DLG2: variants seen among roughly 807,000 people sequenced by gnomAD.
DLG2 encodes the protein disks large homolog 2.
A neutral mutation model predicts 132.5 loss-of-function variants in DLG2; 45 were observed. The observed-to-expected ratio is 0.34, with a 90% CI of 0.27 to 0.44. The LOEUF (loss-of-function observed/expected upper bound fraction) is 0.44, where lower values mean the gene tolerates loss of function less well. Among genes scored for constraint, DLG2 ranks in the 20% least tolerant of loss-of-function variants. DLG2 has a pLI of 1.00. For synonymous variants in DLG2, 424 were observed against 419.6 expected, an observed-to-expected ratio of 1.01 and a Z score of -0.13; for missense variants, 1,045 against 1,196.9, an observed-to-expected ratio of 0.87 and a Z score of 1.87.
At chr11:85,014,948 A>C (rs574154392) in intron 6 of DLG2, among the ~76,000 whole-genome samples, 93 of 152,278 alleles carry the variant, frequency 6.1e-4, no homozygotes, top group Non-Finnish European at 1.1e-3. Flanking sequence ...GTCTCTTAGC[A>C]GATTATGCCT....
chr11:85,182,236 G>A (rs1424689488), intron 4 of DLG2, among the ~76,000 whole-genome samples: 1 of 151,812 alleles, frequency 6.6e-6, no homozygotes, highest in Non-Finnish European at 1.5e-5. Context: ...GAGGCTTAGA[G>A]TAGTTAAGTA....
intron 6 of DLG2, among the ~76,000 whole-genome samples, chr11:84,972,466 T>C (rs1474298413): frequency 6.6e-6 from 1 of 152,250 alleles, no homozygotes; most frequent in East Asian, 1.9e-4. Flanking sequence ...CCTTTCTTGA[T>C]GAATCCTTCT....
At chr11:84,283,991 A>G (rs1245755389) in intron 7 of DLG2, among the ~76,000 whole-genome samples, 1 of 152,204 alleles carries the variant, frequency 6.6e-6, no homozygotes, top group Non-Finnish European at 1.5e-5. Flanking sequence ...CTGTAATCTC[A>G]GCACTTTGGG....
intron 6 of DLG2, among the ~76,000 whole-genome samples, chr11:85,074,442 C>T (rs1026989642): frequency 6.6e-6 from 1 of 151,796 alleles, no homozygotes; most frequent in Non-Finnish European, 1.5e-5. Context: ...AAATTAATCC[C>T]ATCAAGACAC....
intron 18 of DLG2, chr11:83,693,866 C>T (rs961365463): frequency 6.6e-6 from 1 of 152,088 alleles, no homozygotes; most frequent in African/African-American, 2.4e-5. Context: ...GGTTTGTGAG[C>T]CCCTTCCCTC....
intron 3 of DLG2, among the ~76,000 whole-genome samples, chr11:85,547,255 C>A (rs2076396364): frequency 6.6e-6 from 1 of 152,138 alleles, no homozygotes; most frequent in Non-Finnish European, 1.5e-5. Flanking sequence ...ACTTATGAAG[C>A]TTAGTTTGGC....
At chr11:83,620,260 T>TA (rs924975261) in intron 19 of DLG2, among the ~76,000 whole-genome samples, 10 of 146,464 alleles carry the variant, frequency 6.8e-5, no homozygotes, top group African/African-American at 1.8e-4. Context: ...ATGATATCTT[T>TA]AAAAAAAATC....
chr11:84,408,398 G>C lies in DLG2; in HGVS notation c.519+126172C>G, dbSNP rs12287299. Among the ~76,000 whole-genome samples the C allele has an allele frequency of 4.4e-3, 667 of 152,042 alleles. 6 individuals carry two copies. Among genetic ancestry groups the C allele is most frequent in the African/African-American group, 0.015 (633 of 41,480 alleles). ...CTAGGGTACATGTGCACAACGTGCA[G>C]ATTTGTTACATATGTATACATGTGC... On this transcript the variant is annotated intron_variant, in intron 7 of 27. Transcript: ENST00000376104.
intron 6 of DLG2, among the ~76,000 whole-genome samples, chr11:84,990,101 A>G (rs560045919): frequency 6.6e-6 from 1 of 152,362 alleles, no homozygotes; most frequent in South Asian, 2.1e-4. Flanking sequence ...TTATATATCC[A>G]ACAAAGGACT....
intron 3 of DLG2, among the ~76,000 whole-genome samples, chr11:85,473,733 G>GA (rs1300567318): frequency 4.6e-5 from 7 of 151,810 alleles, no homozygotes; most frequent in Non-Finnish European, 1.0e-4. Context: ...TAGACTTGTA[G>GA]AAAAAAATAC....
chr11:84,634,283 G>T (rs1362800726), intron 6 of DLG2, among the ~76,000 whole-genome samples: 5 of 152,102 alleles, frequency 3.3e-5, no homozygotes, highest in Non-Finnish European at 7.3e-5. Context: ...GACATTCTGA[G>T]TTGGTAGAGC....
chr11:85,212,502 C>A (rs563204595), intron 4 of DLG2, among the ~76,000 whole-genome samples: 1 of 152,200 alleles, frequency 6.6e-6, no homozygotes, highest in African/African-American at 2.4e-5. Flanking sequence ...TGCTGACTTA[C>A]AGGAAAACAA....
chr11:84,285,067 T>A (rs2097895487), intron 7 of DLG2, among the ~76,000 whole-genome samples: 1 of 152,216 alleles, frequency 6.6e-6, no homozygotes, highest in Non-Finnish European at 1.5e-5. Context: ...CATTTAAACA[T>A]TATTATGTAA....
At chr11:85,053,441 T>C (rs1047277942) in intron 6 of DLG2, among the ~76,000 whole-genome samples, 2 of 151,976 alleles carry the variant, frequency 1.3e-5, no homozygotes, top group African/African-American at 2.4e-5. Context: ...GGTTAGCATA[T>C]AGTATAAACT....
intron 6 of DLG2, among the ~76,000 whole-genome samples, chr11:84,778,587 G>A (rs887620852): frequency 2.0e-5 from 3 of 152,100 alleles, no homozygotes; most frequent in African/African-American, 7.2e-5. Context: ...GTGAGAATGA[G>A]ATTTTTTATT....
intron 6 of DLG2, among the ~76,000 whole-genome samples, chr11:84,744,611 A>G (rs1027176080): frequency 1.3e-5 from 2 of 152,186 alleles, no homozygotes; most frequent in Non-Finnish European, 2.9e-5. Flanking sequence ...TTGAAATACT[A>G]AGCTAAAATG....
At chr11:84,333,793 A>G (rs369651740) in intron 7 of DLG2, among the ~76,000 whole-genome samples, 43 of 152,322 alleles carry the variant, frequency 2.8e-4, no homozygotes, top group African/African-American at 1.0e-3. Context: ...TATCACTCAT[A>G]CTGGGAATTA....
At chr11:84,672,198 A>G (rs78922161) in intron 6 of DLG2, among the ~76,000 whole-genome samples, 12,066 of 152,240 alleles carry the variant, frequency 0.079, 587 homozygotes, top group Non-Finnish European at 0.12. Context: ...GGAGGATGCT[A>G]GTCACCCAAA....
intron 6 of DLG2, among the ~76,000 whole-genome samples, chr11:85,106,789 G>A (rs762689056): frequency 6.6e-6 from 1 of 151,992 alleles, no homozygotes; most frequent in Non-Finnish European, 1.5e-5. Flanking sequence ...TAGTGGAAGA[G>A]TTAATACTTT....
Sources: allele counts gnomAD v4.1 joint callset (sites outside exome capture counted in the v4.1 genomes callset), GRCh38; gene constraint gnomAD v4.1.1; transcripts MANE v1.5; gene names NCBI Gene and HGNC (gene_info 2026-07-23, HGNC 2026-07-21).